The following ASB3 variants were observed in gnomAD, a reference collection of about 807,000 sequenced individuals.
The protein encoded by ASB3 is ankyrin repeat and SOCS box protein 3.
A neutral mutation model predicts 54.5 loss-of-function variants in ASB3; 41 were observed. That is an observed-to-expected ratio of 0.75 (90% CI 0.59 to 0.98). The LOEUF (loss-of-function observed/expected upper bound fraction) is 0.98. Among genes scored for constraint, ASB3 ranks in the 50% least tolerant of loss-of-function variants. The probability of loss-of-function intolerance (pLI) is 0.00; values close to 1 mark genes in which losing one functional copy is unlikely to be tolerated. For synonymous variants in ASB3, 266 were observed against 221.2 expected, an observed-to-expected ratio of 1.20 and a Z score of -1.80; for missense variants, 733 against 620.0, an observed-to-expected ratio of 1.18 and a Z score of -1.94.
At chr2:53,759,273 C>T (rs1162065649) in intron 2 of ASB3, among the ~76,000 whole-genome samples, 1 of 152,168 alleles carries the variant, frequency 6.6e-6, no homozygotes, top group East Asian at 1.9e-4. Context: ...CTAAGGAAAA[C>T]TAGGAGGAAG....
intron 9 of ASB3, among the ~76,000 whole-genome samples, chr2:53,671,239 A>G (rs770836984): frequency 2.0e-5 from 3 of 152,118 alleles, no homozygotes; most frequent in Non-Finnish European, 2.9e-5. Flanking sequence ...CATTAACTTC[A>G]TGAAGTATAT....
chr2:53,706,975 A>C (rs2103796908), intron 7 of ASB3, among the ~76,000 whole-genome samples: 1 of 152,300 alleles, frequency 6.6e-6, no homozygotes, highest in Non-Finnish European at 1.5e-5. Context: ...AAGAGGAAAT[A>C]AATACTATAA....
intron 3 of ASB3, among the ~76,000 whole-genome samples, chr2:53,732,744 A>G (rs1179912297): frequency 1.3e-5 from 2 of 152,348 alleles, no homozygotes; most frequent in South Asian, 2.1e-4. Context: ...GAGCAGAAAA[A>G]TATTATTTTC....
chr2:53,687,583 A>T (rs1044607337), intron 9 of ASB3, among the ~76,000 whole-genome samples: 4 of 152,212 alleles, frequency 2.6e-5, no homozygotes, highest in African/African-American at 9.6e-5. Context: ...TATTAACTCT[A>T]TGATCATGGC....
At chr2:53,714,652 C>G (rs1039890162) in intron 6 of ASB3, 71 bp from the exon 7 acceptor site, 1 of 1,513,028 alleles carries the variant, frequency 6.6e-7, no homozygotes, top group African/African-American at 1.4e-5. Context: ...ATTTCTATAG[C>G]ACAATTTTTT....
In ASB3 at chr2:53,728,847, C is replaced by T. The variant is rs1210885947; in HGVS notation, c.469G>A (p.Glu157Lys). Reference protein sequence around the residue: ...WNSLHQASFQENAEIIKLLLR... With the variant: ...WNSLHQASFQKNAEIIKLLLR... ...AGCAATTTTATGATCTCAGCATTTT[C>T]CTAAAGCACAGATTCACATTTTAAA... Residue 157 changes from glutamate to lysine, a missense_variant and splice_region_variant, in exon 5 of 10, where the codon GAA (glutamate) becomes AAA (lysine). Coordinates refer to ENST00000263634, the MANE Select transcript of ASB3 (RefSeq NM_016115.5). 2.5e-6 allele frequency: 4 copies of T among 1,593,044 alleles called. No individual in the cohort carries two copies. The South Asian group carries it at 4.6e-5, about 18-fold the overall frequency.
At chr2:53,777,954 C>T (rs902608836) in intron 1 of ASB3, among the ~76,000 whole-genome samples, 2 of 151,984 alleles carry the variant, frequency 1.3e-5, no homozygotes, top group Admixed American at 6.6e-5. Flanking sequence ...CGAGACCTGC[C>T]TGACCAATAT....
At chr2:53,714,318 C>T in intron 7 of ASB3, 66 bp downstream of exon 7, 1 of 1,549,052 alleles carries the variant, frequency 6.5e-7, no homozygotes, top group South Asian at 1.2e-5. Flanking sequence ...GAAAGAAAGT[C>T]ACTTCAAAAC....
chr2:53,769,416 G>T (rs963580051), intron 1 of ASB3, among the ~76,000 whole-genome samples: 4 of 152,176 alleles, frequency 2.6e-5, no homozygotes, highest in African/African-American at 4.8e-5. Context: ...TATGTATGTG[G>T]CTATAACAAC....
At chr2:53,780,845 C>A (rs1674604938) in intron 1 of ASB3, among the ~76,000 whole-genome samples, 1 of 152,110 alleles carries the variant, frequency 6.6e-6, no homozygotes, top group South Asian at 2.1e-4. Context: ...TTCAAAGTAG[C>A]AGAATCAGAG....
At chr2:53,717,364 C>G (rs1310190108) in intron 5 of ASB3, among the ~76,000 whole-genome samples, 1 of 152,120 alleles carries the variant, frequency 6.6e-6, no homozygotes, top group African/African-American at 2.4e-5. Flanking sequence ...CGCCTTAAAA[C>G]TAATATTGAC....
At chr2:53,742,489 A>C (rs1348809841) in intron 3 of ASB3, among the ~76,000 whole-genome samples, 1 of 152,220 alleles carries the variant, frequency 6.6e-6, no homozygotes, top group Admixed American at 6.5e-5. Context: ...AAACCAAAGG[A>C]AAATTGTAGC....
At chr2:53,727,076 G>C in intron 5 of ASB3, among the ~76,000 whole-genome samples, 1 of 152,194 alleles carries the variant, frequency 6.6e-6, no homozygotes, top group South Asian at 2.1e-4. Flanking sequence ...GAAGTCAGAA[G>C]GCCTGGGTCC....
intron 4 of ASB3, 119 bp downstream of exon 4, chr2:53,729,339 A>T: frequency 1.1e-6 from 1 of 905,070 alleles, no homozygotes; most frequent in Non-Finnish European, 1.7e-6. Flanking sequence ...CCTTTTCTGT[A>T]CTGCACTAAC....
chr2:53,736,448 C>T (rs1671632177), intron 3 of ASB3, among the ~76,000 whole-genome samples: 1 of 152,158 alleles, frequency 6.6e-6, no homozygotes, highest in African/African-American at 2.4e-5. Context: ...CCTGTAATCC[C>T]AGCACTTTGG....
chr2:53,691,451 A>AT (rs777110212), intron 9 of ASB3, among the ~76,000 whole-genome samples: 29 of 152,172 alleles, frequency 1.9e-4, no homozygotes, highest in East Asian at 1.9e-4. Context: ...TCAAAAAAAA[A>AT]TTTTTAAATA....
chr2:53,716,476 T>G (rs577387373), intron 6 of ASB3, 90 bp downstream of exon 6: 35 of 1,474,760 alleles, frequency 2.4e-5, no homozygotes, highest in Admixed American at 6.4e-5. Flanking sequence ...TATCAAAGAC[T>G]TTGCCTAGAG....
At chr2:53,784,176 G>GTT (rs1674807717) in intron 1 of ASB3, among the ~76,000 whole-genome samples, 1 of 152,150 alleles carries the variant, frequency 6.6e-6, no homozygotes, top group Non-Finnish European at 1.5e-5. Context: ...ATTACAATAT[G>GTT]GTAAATAGTT....
At chr2:53,761,799 A>C (rs1486146212) in intron 2 of ASB3, among the ~76,000 whole-genome samples, 1 of 152,240 alleles carries the variant, frequency 6.6e-6, no homozygotes, top group African/African-American at 2.4e-5. Context: ...AACTTATCAA[A>C]CAGTAATTGC....
Sources: gnomAD v4.1 joint callset for allele counts (sites outside exome capture counted in the v4.1 genomes callset) on GRCh38, gnomAD v4.1.1 for gene constraint, MANE v1.5 for transcripts, NCBI Gene and HGNC (gene_info 2026-07-23, HGNC 2026-07-21) for gene names.